N4BP3: variants seen among roughly 807,000 people sequenced by gnomAD.
N4BP3 encodes the protein NEDD4 binding protein 3.
A neutral mutation model predicts 43.8 loss-of-function variants in N4BP3; 33 were observed. The observed-to-expected ratio is 0.75, with a 90% confidence interval of 0.57 to 1.01. The LOEUF (loss-of-function observed/expected upper bound fraction) is 1.01, where lower values mean the gene tolerates loss of function less well. Among genes scored for constraint, N4BP3 ranks in the 50% least tolerant of loss-of-function variants. The pLI is 0.00. For synonymous variants in N4BP3, 326 were observed against 321.9 expected, an observed-to-expected ratio of 1.01 and a Z score of -0.14; for missense variants, 756 against 744.2, an observed-to-expected ratio of 1.02 and a Z score of -0.18.
chr5:178,121,055 T>A, intron 3 of N4BP3, 43 bp from the exon 4 acceptor site: 1 of 1,580,382 alleles, frequency 6.3e-7, no homozygotes, highest in South Asian at 1.1e-5. Context: ...GAGTCGCCTC[T>A]AGGGGGCAGG....
At chr5:178,117,638 A>AAAAAG (rs148196961) in intron 1 of N4BP3, among the ~76,000 whole-genome samples, 1,562 of 108,284 alleles carry the variant, frequency 0.014, 131 homozygotes, top group Non-Finnish European at 0.017. Flanking sequence ...AAAAAAAAAA[A>AAAAAG]GAAGGGACAA....
At chr5:178,114,407 G>A (rs1757723073) in intron 1 of N4BP3, among the ~76,000 whole-genome samples, 1 of 152,194 alleles carries the variant, frequency 6.6e-6, no homozygotes, top group Non-Finnish European at 1.5e-5. Flanking sequence ...CTGCGGGTAG[G>A]GGACATTCCT....
At position 178,117,240 on chromosome 5, in the gene N4BP3, C is replaced by A. The variant is rs115160973; in HGVS notation, c.-30-2314C>A. Among the ~76,000 whole-genome samples the A allele has an allele frequency of 3.4e-4, 52 of 152,302 alleles. No individual in the cohort carries two copies. In the East Asian group the frequency reaches 9.7e-3, roughly 28 times the overall value. On this transcript the variant is annotated intron_variant, in intron 1 of 4. Coordinates refer to ENST00000274605, the MANE Select transcript of N4BP3 (RefSeq NM_015111.2). ...CTGCTGTCCCCTCCCCAAGAAGCAG[C>A]AACAGGAGTTGAGCGTGCTTGTGGA...
chr5:178,115,841 A>G (rs1561614354), intron 1 of N4BP3, among the ~76,000 whole-genome samples: 1 of 152,174 alleles, frequency 6.6e-6, no homozygotes. Context: ...TCCGAAAGCA[A>G]TTCCTCTCCG....
At chr5:178,116,665 C>T (rs555529699) in intron 1 of N4BP3, among the ~76,000 whole-genome samples, 1 of 152,308 alleles carries the variant, frequency 6.6e-6, no homozygotes, top group East Asian at 1.9e-4. Context: ...CACACCGTGG[C>T]GTGTGTGGTT....
In N4BP3 at chr5:178,121,909, T is replaced by C; in HGVS notation, c.1543T>C (p.Tyr515His). Residue 515 changes from tyrosine (Y) to histidine (H), a missense_variant, in exon 5 of 5, where the codon TAC becomes CAC. By Grantham distance (83) the Tyr-to-His change is moderately conservative (BLOSUM62 2). Transcript: ENST00000274605. ...REIQGGYMDM[Y>H]RRNQALEQEL... ...GATCCAGGGAGGGTACATGGACATGTACCGCCGCAACCAGGCACTGGAGCA... is the reference window on the plus strand; with the variant it reads ...GATCCAGGGAGGGTACATGGACATGCACCGCCGCAACCAGGCACTGGAGCA... 1.2e-6 allele frequency: 2 copies of C among 1,611,698 alleles called. No homozygotes were observed. The highest frequency in any genetic ancestry group is 1.7e-6 in the Non-Finnish European group (2 of 1,179,702).
Position 178,121,458 on chromosome 5 carries a change from C to A in N4BP3, c.1108-16C>A. The A allele has an allele frequency of 1.2e-6, 2 of 1,613,872 alleles. No individual in the cohort carries two copies. The highest frequency in any genetic ancestry group is 1.7e-6 in the Non-Finnish European group (2 of 1,179,980). Reference sequence around the variant, plus strand: ...TCCCCACACCCTACTTTGCTTGCGTCCTCCCCATCCCCCAGGTGTGCCAGA... The same window carrying A: ...TCCCCACACCCTACTTTGCTTGCGTACTCCCCATCCCCCAGGTGTGCCAGA... On this transcript the variant is annotated splice_polypyrimidine_tract_variant and intron_variant, in intron 4 of 4. Coordinates refer to ENST00000274605, the MANE Select transcript of N4BP3 (RefSeq NM_015111.2).
chr5:178,120,637 G>C lies in N4BP3; in HGVS notation c.790G>C (p.Glu264Gln), dbSNP rs762344622. Residue 264 changes from glutamate (E) to glutamine (Q), a missense_variant, in exon 3 of 5, where the codon GAG becomes CAG. Transcript: ENST00000274605. ...CGAGGAAATGGGAGCCGTGCTGCCC[G>C]AGACCTGTGAGGAGCTCAAGAGGGG... Reference protein sequence around the residue: ...SAEEMGAVLPETCEELKRGLG... With the variant: ...SAEEMGAVLPQTCEELKRGLG... 4 of 1,607,250 alleles carry C rather than the reference G, an allele frequency of 2.5e-6. No homozygotes were observed. Among genetic ancestry groups the C allele is most frequent in the Non-Finnish European group, 2.5e-6 (3 of 1,179,950 alleles).
intron 1 of N4BP3, among the ~76,000 whole-genome samples, chr5:178,114,491 C>G (rs957393474): frequency 6.6e-6 from 1 of 152,148 alleles, no homozygotes; most frequent in East Asian, 1.9e-4. Context: ...GGCCTGGGGA[C>G]AAGCCGAAAT....
intron 1 of N4BP3, 60 bp from the exon 2 acceptor site, chr5:178,119,494 C>T (rs878922857): frequency 1.6e-6 from 2 of 1,282,266 alleles, no homozygotes; most frequent in South Asian, 3.0e-5. Flanking sequence ...TGTTTTCAGG[C>T]CCCAGGGAAG....
chr5:178,114,777 T>C (rs1258784483), intron 1 of N4BP3, among the ~76,000 whole-genome samples: 1 of 152,186 alleles, frequency 6.6e-6, no homozygotes, highest in African/African-American at 2.4e-5. Context: ...GCATAGCGAC[T>C]CGGAGTCCCC....
Position 178,118,966 on chromosome 5 carries a change from T to C in N4BP3, c.-30-588T>C, listed in dbSNP as rs1054243413. Among the ~76,000 whole-genome samples, 5 of 151,540 alleles carry C rather than the reference T, an allele frequency of 3.3e-5. No homozygotes were observed. The highest frequency in any genetic ancestry group is 7.4e-5 in the Non-Finnish European group (5 of 67,886). ...CTGCAAGCTCTGCCTCCCAGGTTCA[T>C]GCCATTCTCCAGCCTCAGCCTCCCG... On this transcript the variant is annotated intron_variant, in intron 1 of 4. Transcript: ENST00000274605. The surrounding 1 kb of genome is among the most constrained non-coding windows in gnomAD (Gnocchi z 5.4).
chr5:178,117,106 C>T (rs948849661), intron 1 of N4BP3, among the ~76,000 whole-genome samples: 1 of 152,194 alleles, frequency 6.6e-6, no homozygotes, highest in African/African-American at 2.4e-5. Flanking sequence ...AGCCACCATG[C>T]CTGGCCCTTT....
chr5:178,117,638 A>AAAAAAAAAAAAAAAAG (rs148196961), intron 1 of N4BP3, among the ~76,000 whole-genome samples: 1 of 108,384 alleles, frequency 9.2e-6, no homozygotes, highest in African/African-American at 3.4e-5. Context: ...AAAAAAAAAA[A>AAAAAAAAAAAAAAAAG]GAAGGGACAA....
Position 178,119,974 on chromosome 5 carries a change from T to TG in N4BP3, c.330+62dup, listed in dbSNP as rs998547809. 3 of 1,510,934 alleles carry TG rather than the reference T, an allele frequency of 2.0e-6. No homozygotes were observed. In the African/African-American group the frequency reaches 4.2e-5, roughly 21 times the overall value. 93.6% of individuals were successfully genotyped at this position (1,510,934 alleles called of 1,614,324 possible). Reference sequence around the variant, plus strand: ...GAGGGTGGGGTCTCCTTGGAGACCCTGATGTTGGGATGGGGTGGGGACGGG... The same window carrying TG: ...GAGGGTGGGGTCTCCTTGGAGACCCTGGATGTTGGGATGGGGTGGGGACGGG... On this transcript the variant is annotated intron_variant, in intron 2 of 4. Coordinates refer to ENST00000274605, the MANE Select transcript of N4BP3 (RefSeq NM_015111.2).
chr5:178,120,168 T>G lies in N4BP3; in HGVS notation c.331-10T>G, dbSNP rs1481909380. ...TCACACCTGCCCTCTCTGCCCTCTCTTCCTGGCAGTGCCGCATTCGCCCCT... is the reference window on the plus strand; with the variant it reads ...TCACACCTGCCCTCTCTGCCCTCTCGTCCTGGCAGTGCCGCATTCGCCCCT... On this transcript the variant is annotated splice_polypyrimidine_tract_variant and intron_variant, in intron 2 of 4. Transcript: ENST00000274605. The G allele has an allele frequency of 1.3e-6, 2 of 1,553,364 alleles. No homozygotes were observed. The highest frequency in any genetic ancestry group is 1.7e-6 in the Non-Finnish European group (2 of 1,146,732).
rs1758025373 is a variant in N4BP3 at position 178,125,035 on chromosome 5, C to G, written c.*3034C>G. ...TGTGGAGTCAGGAGCAACCAGAGAC[C>G]CCCCAATACTAGAATGGGTTTGAGC... is the stretch of plus-strand genomic sequence containing the variant. On this transcript the variant is annotated 3_prime_UTR_variant, in exon 5 of 5. Coordinates refer to ENST00000274605, the MANE Select transcript of N4BP3 (RefSeq NM_015111.2). 6.6e-6 allele frequency: 1 copy of G among 152,256 alleles called. No homozygotes were observed. The highest frequency in any genetic ancestry group is 6.5e-5 in the Admixed American group (1 of 15,280). 9.4% of individuals were successfully genotyped at this position (152,256 alleles called of 1,614,324 possible). A position where few individuals can be genotyped will look rare whatever the true frequency, so the allele number is the denominator to read the frequency against.
In N4BP3 at chr5:178,119,622, C is replaced by T; in HGVS notation, c.39C>T (p.Gly13=). Residue 13 remains glycine, a synonymous_variant, in exon 2 of 5, where the codon GGC becomes GGT. Coordinates refer to ENST00000274605, the MANE Select transcript of N4BP3 (RefSeq NM_015111.2). ...CAGGCCCTGCTGGCATTGCCATGGGCAGCGTGGGCAGCCTGTTGGAACGGC... is the reference window on the plus strand; with the variant it reads ...CAGGCCCTGCTGGCATTGCCATGGGTAGCGTGGGCAGCCTGTTGGAACGGC... ...TAPGPAGIAM[G]SVGSLLERQD... 2 of 1,569,930 alleles carry T rather than the reference C, an allele frequency of 1.3e-6. No homozygotes were observed. The highest frequency in any genetic ancestry group is 1.7e-6 in the Non-Finnish European group (2 of 1,157,794).
rs1345215987 is a variant in N4BP3, at chr5:178,118,231, G to C, written c.-30-1323G>C. 6.6e-6 allele frequency among the ~76,000 whole-genome samples: 1 copy of C among 152,204 alleles called. No homozygotes were observed. The highest frequency in any genetic ancestry group is 6.5e-5 in the Admixed American group (1 of 15,286). On this transcript the variant is annotated intron_variant, in intron 1 of 4. Coordinates refer to ENST00000274605, the MANE Select transcript of N4BP3 (RefSeq NM_015111.2). This position sits in a 1 kb window ranked among gnomAD's most constrained non-coding sequence, Gnocchi z 5.4. ...GCCCAGCACAGGTGGAAGGTGGTCCGTCAGCCTAGTCCCTTGGTGATGTTT... is the reference window on the plus strand; with the variant it reads ...GCCCAGCACAGGTGGAAGGTGGTCCCTCAGCCTAGTCCCTTGGTGATGTTT...
Sources: gnomAD v4.1 joint callset for allele counts (sites outside exome capture counted in the v4.1 genomes callset) on GRCh38, gnomAD v4.1.1 for gene constraint, Gnocchi (gnomAD v3.1) non-coding constraint, MANE v1.5 for transcripts, NCBI Gene and HGNC (gene_info 2026-07-23, HGNC 2026-07-21) for gene names.